The following AHCYL2 variants were observed in gnomAD, a reference collection of about 807,000 sequenced individuals.
The protein encoded by AHCYL2 is S-adenosylhomocysteine hydrolase-like protein 2.
In AHCYL2, 28 loss-of-function variants were observed where a neutral mutation model predicts 81.4. The ratio of observed to expected loss-of-function variants is 0.34; its 90% confidence interval spans 0.25 to 0.47. The LOEUF (loss-of-function observed/expected upper bound fraction) is 0.47, where lower values mean the gene tolerates loss of function less well. AHCYL2 is among the 20% of genes least tolerant of loss of function. AHCYL2 has a pLI of 1.00. For synonymous variants in AHCYL2, 272 were observed against 290.2 expected (o/e 0.94, Z 0.64); for missense variants, 551 against 785.1 (o/e 0.70, Z 3.56).
In AHCYL2 at chr7:129,426,482, C is replaced by T. The variant is rs1174993629; in HGVS notation, c.1748C>T (p.Ala583Val). 6.2e-7 allele frequency: 1 copy of T among 1,613,960 alleles called. No individual in the cohort carries two copies. The highest frequency in any genetic ancestry group is 8.5e-7 in the Non-Finnish European group (1 of 1,179,970). ...AGCCTACACCTGCCTACCTTTGATG[C>T]CCACTTGACAGAGCTGACAGATGAA... ...VASLHLPTFD[A>V]HLTELTDEQA... The change falls in exon 16 of 17, where the codon GCC (alanine) becomes GTC (valine). Residue 583 changes from alanine (A) to valine (V), a missense_variant. Ala to Val is a moderately conservative substitution (Grantham distance 64, BLOSUM62 0). Coordinates refer to ENST00000325006, the MANE Select transcript of AHCYL2 (RefSeq NM_015328.4). This position sits in a 1 kb window ranked among gnomAD's most constrained non-coding sequence, Gnocchi z 4.3.
chr7:129,339,094 T>C (rs1368132045), intron 1 of AHCYL2, among the ~76,000 whole-genome samples: 1 of 152,246 alleles, frequency 6.6e-6, no homozygotes, highest in Non-Finnish European at 1.5e-5. Context: ...CTCAGTGCCC[T>C]TATTATATTT....
rs1794176297 is a variant in AHCYL2, at chr7:129,225,457, C to G, written c.363+18C>G. 3.3e-6 allele frequency: 5 copies of G among 1,497,176 alleles called. No individual in the cohort carries two copies. In the Admixed American group the frequency reaches 6.6e-5, roughly 20 times the overall value. 92.7% of individuals were successfully genotyped at this position (1,497,176 alleles called of 1,614,324 possible). A position where few individuals can be genotyped will look rare whatever the true frequency, so the allele number is the denominator to read the frequency against. On this transcript the variant is annotated intron_variant, in intron 1 of 16. Coordinates refer to ENST00000325006, the MANE Select transcript of AHCYL2 (RefSeq NM_015328.4). Reference sequence around the variant, plus strand: ...TCAAGAAGGTACTGGGGCCGGGCTGCCTCTCTAGGAGAGGAAGGGAGGGGA... The same window carrying G: ...TCAAGAAGGTACTGGGGCCGGGCTGGCTCTCTAGGAGAGGAAGGGAGGGGA...
chr7:129,316,277 G>A (rs1474916222), intron 1 of AHCYL2, among the ~76,000 whole-genome samples: 1 of 152,204 alleles, frequency 6.6e-6, no homozygotes, highest in Non-Finnish European at 1.5e-5. Flanking sequence ...ATTCAAGCAT[G>A]CAGGGTTGAC....
chr7:129,413,629 C>A lies in AHCYL2; in HGVS notation c.1402C>A (p.Arg468Ser). 1 of 1,614,002 alleles carries A rather than the reference C, an allele frequency of 6.2e-7. No homozygotes were observed. The highest frequency in any genetic ancestry group is 8.5e-7 in the Non-Finnish European group (1 of 1,180,004). ...TGTGGTAACCAGAGAGCACTTGGAC[C>A]GTATGAAGAATAGCTGCATCGTTTG... ...KNVVTREHLD[R>S]MKNSCIVCNM... Residue 468 changes from arginine (R) to serine (S), a missense_variant, in exon 12 of 17, where the codon CGT becomes AGT. Coordinates refer to ENST00000325006, the MANE Select transcript of AHCYL2 (RefSeq NM_015328.4).
intron 11 of AHCYL2, among the ~76,000 whole-genome samples, chr7:129,410,852 T>C (rs1044850827): frequency 6.6e-6 from 1 of 152,252 alleles, no homozygotes; most frequent in South Asian, 2.1e-4. Flanking sequence ...AAAAAAATTG[T>C]AGTTGTAGCC....
intron 1 of AHCYL2, among the ~76,000 whole-genome samples, chr7:129,240,368 A>G (rs542879590): frequency 2.6e-5 from 4 of 152,176 alleles, no homozygotes; most frequent in African/African-American, 9.6e-5. Flanking sequence ...AGACACACAC[A>G]CTGACATCCA....
At chr7:129,375,953 C>A (rs1225529088) in intron 1 of AHCYL2, 1 of 1,535,874 alleles carries the variant, frequency 6.5e-7, no homozygotes, top group Admixed American at 2.0e-5. Context: ...ATTTACCAGT[C>A]TTGCCGCTGC....
intron 1 of AHCYL2, among the ~76,000 whole-genome samples, chr7:129,328,304 A>G (rs1224314467): frequency 2.6e-5 from 4 of 151,974 alleles, no homozygotes; most frequent in South Asian, 2.1e-4. Context: ...CAGCCTCCCA[A>G]GTAGCTGGGA....
At chr7:129,306,952 A>C (rs1486533225) in intron 1 of AHCYL2, among the ~76,000 whole-genome samples, 1 of 152,140 alleles carries the variant, frequency 6.6e-6, no homozygotes, top group Admixed American at 6.5e-5. Context: ...AAACAAACGG[A>C]GTCTCTCTCT....
At chr7:129,270,301 A>G (rs1795964625) in intron 1 of AHCYL2, among the ~76,000 whole-genome samples, 1 of 152,198 alleles carries the variant, frequency 6.6e-6, no homozygotes, top group African/African-American at 2.4e-5. Context: ...GAGTACAGAG[A>G]TACTCAGTTC....
intron 1 of AHCYL2, among the ~76,000 whole-genome samples, chr7:129,321,532 T>G (rs930576803): frequency 3.3e-5 from 5 of 152,192 alleles, no homozygotes; most frequent in African/African-American, 1.2e-4. Flanking sequence ...GATATTATTC[T>G]TTTCATATAT....
rs773918948 is a variant in AHCYL2, at chr7:129,405,917, G to A, written c.1206+18G>A. The A allele has an allele frequency of 6.8e-6, 11 of 1,607,456 alleles. No homozygotes were observed. The Admixed American group carries it at 8.4e-5, about 12-fold the overall frequency. ...ATGGAGAGGTGAAGTTTAACCTTTT[G>A]TTTATTAGGTGTTTTAAATGGATTT... On this transcript the variant is annotated intron_variant, in intron 9 of 16. Transcript: ENST00000325006.
chr7:129,403,645 C>T (rs1026600237), intron 7 of AHCYL2, among the ~76,000 whole-genome samples, 160 bp downstream of exon 7: 1 of 151,794 alleles, frequency 6.6e-6, no homozygotes, highest in East Asian at 1.9e-4. Context: ...GGGCGGATCA[C>T]GAGGTCAGGA....
chr7:129,369,788 G>A (rs1794293226), intron 1 of AHCYL2, among the ~76,000 whole-genome samples: 1 of 152,168 alleles, frequency 6.6e-6, no homozygotes, highest in Admixed American at 6.5e-5. Context: ...CTGACCGTAG[G>A]TGATCCACCC....
At position 129,429,045 on chromosome 7, in the gene AHCYL2, G is replaced by C. The variant is rs558645657; in HGVS notation, c.*2000G>C. On this transcript the variant is annotated 3_prime_UTR_variant, in exon 17 of 17. Coordinates refer to ENST00000325006, the MANE Select transcript of AHCYL2 (RefSeq NM_015328.4). ...TGGTCTCTAGCCTATTGTATTCTTA[G>C]ACCAAAAATCATAACCTGCTGTTTC... is the stretch of plus-strand genomic sequence containing the variant. The C allele has an allele frequency of 6.6e-6, 1 of 152,244 alleles. No homozygotes were observed. The highest frequency in any genetic ancestry group is 2.4e-5 in the African/African-American group (1 of 41,538). 9.4% of individuals were successfully genotyped at this position (152,244 alleles called of 1,614,324 possible). A position where few individuals can be genotyped will look rare whatever the true frequency, so the allele number is the denominator to read the frequency against.
chr7:129,339,598 G>A (rs931266678), intron 1 of AHCYL2, among the ~76,000 whole-genome samples: 2 of 152,004 alleles, frequency 1.3e-5, no homozygotes, highest in African/African-American at 4.8e-5. Flanking sequence ...TGTTGCCCAG[G>A]CTGGCTCATC....
At chr7:129,407,680 A>G (rs527256598) in intron 10 of AHCYL2, among the ~76,000 whole-genome samples, 11 of 152,326 alleles carry the variant, frequency 7.2e-5, no homozygotes, top group African/African-American at 2.4e-4. Flanking sequence ...ATCACTTACT[A>G]TGCATTAGAT....
chr7:129,346,257 G>T (rs975401037), intron 1 of AHCYL2, among the ~76,000 whole-genome samples: 2 of 152,146 alleles, frequency 1.3e-5, no homozygotes, highest in Non-Finnish European at 1.5e-5. Context: ...TCCTGTCTTT[G>T]CTGTTTCCTA....
intron 11 of AHCYL2, among the ~76,000 whole-genome samples, chr7:129,411,253 T>A (rs1224297783): frequency 6.6e-6 from 1 of 152,184 alleles, no homozygotes; most frequent in African/African-American, 2.4e-5. Context: ...TGCAGTTCAA[T>A]GGCTTTTAGT....
Sources: allele counts gnomAD v4.1 joint callset (sites outside exome capture counted in the v4.1 genomes callset), GRCh38; gene constraint gnomAD v4.1.1; non-coding constraint Gnocchi (gnomAD v3.1); transcripts MANE v1.5; gene names NCBI Gene and HGNC (gene_info 2026-07-23, HGNC 2026-07-21).